The following JMY variants were observed in gnomAD, a reference collection of about 807,000 sequenced individuals.
The protein encoded by JMY is junction-mediating and -regulatory protein.
In JMY, 46 loss-of-function variants were observed where a neutral mutation model predicts 103.3. The observed-to-expected ratio is 0.45, with a 90% CI of 0.35 to 0.57. JMY has a LOEUF of 0.57. Ranked by LOEUF, JMY falls within the 20% of genes least tolerant of loss-of-function variation. The probability of loss-of-function intolerance (pLI) is 0.00; values close to 1 mark genes in which losing one functional copy is unlikely to be tolerated. For synonymous variants in JMY, 526 were observed against 489.3 expected (o/e 1.07, Z -0.99); for missense variants, 1,238 against 1,255.2 (o/e 0.99, Z 0.21).
intron 9 of JMY, among the ~76,000 whole-genome samples, chr5:79,315,748 A>G (rs545490627): frequency 1.6e-4 from 25 of 152,328 alleles, no homozygotes; most frequent in African/African-American, 5.8e-4. Flanking sequence ...CAATCTGGTC[A>G]CTTCTCTCAT....
chr5:79,242,783 CTT>C (rs71615514), intron 1 of JMY, among the ~76,000 whole-genome samples: 97 of 140,610 alleles, frequency 6.9e-4, no homozygotes, highest in African/African-American at 7.8e-4. Flanking sequence ...TCAATAATGA[CTT>C]TTTTTTTTTT....
chr5:79,241,163 A>C (rs1200956170), intron 1 of JMY, among the ~76,000 whole-genome samples: 1 of 152,072 alleles, frequency 6.6e-6, no homozygotes, highest in Non-Finnish European at 1.5e-5. Flanking sequence ...AAGTTGTTGA[A>C]CTTTTTTTTG....
At chr5:79,270,596 ATG>A (rs34219782) in intron 1 of JMY, among the ~76,000 whole-genome samples, 1,081 of 24,428 alleles carry the variant, frequency 0.044, 81 homozygotes, top group African/African-American at 0.064. Flanking sequence ...AATATTTAAA[ATG>A]TATATTTACA....
chr5:79,278,192 G>A (rs1018331309), intron 2 of JMY, 109 bp downstream of exon 2: 6 of 853,386 alleles, frequency 7.0e-6, no homozygotes, highest in African/African-American at 1.7e-5. Flanking sequence ...AAAAAAGAAG[G>A]TACCTGGTCC....
At chr5:79,248,316 C>CT (rs1038857608) in intron 1 of JMY, among the ~76,000 whole-genome samples, 9 of 148,722 alleles carry the variant, frequency 6.1e-5, no homozygotes, top group Non-Finnish European at 1.3e-4. Flanking sequence ...ACTTTCCTCC[C>CT]TTTTTTTTGA....
chr5:79,283,396 T>A (rs1746179439), intron 2 of JMY, among the ~76,000 whole-genome samples: 1 of 152,206 alleles, frequency 6.6e-6, no homozygotes, highest in South Asian at 2.1e-4. Flanking sequence ...AATGGTTTCA[T>A]TAACCTAGGT....
At position 79,244,239 on chromosome 5, in the gene JMY, G is replaced by A. The variant is rs368849713; in HGVS notation, c.1032+6557G>A. Among the ~76,000 whole-genome samples the A allele has an allele frequency of 2.8e-3, 426 of 152,254 alleles. 3 individuals carry two copies. In the Middle Eastern group the frequency reaches 0.031, roughly 11 times the overall value. Reference sequence around the variant, plus strand: ...TGGTCTCGAACTCCTGACCTCAGGTGATCCACCTGCTTCGGCCTCCCACAG... The same window carrying A: ...TGGTCTCGAACTCCTGACCTCAGGTAATCCACCTGCTTCGGCCTCCCACAG... On this transcript the variant is annotated intron_variant, in intron 1 of 10. Coordinates refer to ENST00000396137, the MANE Select transcript of JMY (RefSeq NM_152405.5).
In JMY at chr5:79,270,495, A is replaced by AT. The variant is rs1561297750; in HGVS notation, c.1033-7415_1033-7414insT. 2.3e-4 allele frequency among the ~76,000 whole-genome samples: 22 copies of AT among 96,416 alleles called. 1 individual carries two copies. The highest frequency in any genetic ancestry group is 3.3e-4 in the South Asian group (1 of 3,074). 63.3% of individuals were successfully genotyped at this position (96,416 alleles called of 152,430 possible). A position where few individuals can be genotyped will look rare whatever the true frequency, so the allele number is the denominator to read the frequency against. ...TATATTTACATAAATATTTACATAA[A>AT]ATATATATTTACATAAATATTTAAA... On this transcript the variant is annotated intron_variant, in intron 1 of 10. Coordinates refer to ENST00000396137, the MANE Select transcript of JMY (RefSeq NM_152405.5).
At chr5:79,294,508 C>T (rs1025495705) in intron 4 of JMY, among the ~76,000 whole-genome samples, 1 of 152,042 alleles carries the variant, frequency 6.6e-6, no homozygotes, top group Admixed American at 6.5e-5. Context: ...TGTGGTTAAC[C>T]GGGATTAACC....
At chr5:79,273,916 C>T (rs748701591) in intron 1 of JMY, among the ~76,000 whole-genome samples, 4 of 152,014 alleles carry the variant, frequency 2.6e-5, no homozygotes, top group African/African-American at 4.8e-5. Flanking sequence ...CTGCAAGCTC[C>T]GCCTCCCGGG....
chr5:79,236,766 A>G lies in JMY; in HGVS notation c.116A>G (p.Glu39Gly). The G allele has an allele frequency of 6.6e-7, 1 of 1,511,636 alleles. No homozygotes were observed. Among genetic ancestry groups the G allele is most frequent in the South Asian group, 1.3e-5 (1 of 79,782 alleles). 93.6% of individuals were successfully genotyped at this position (1,511,636 alleles called of 1,614,324 possible). ...TTTATTGTGGCCTGGAACGAGATTG[A>G]GGGCAAGTTTGCCATAACCTGCCAC... ...FVFIVAWNEI[E>G]GKFAITCHNR... Residue 39 changes from glutamate to glycine, a missense_variant, in exon 1 of 11, where the codon GAG (glutamate) becomes GGG (glycine). Glu to Gly is a moderately conservative substitution (Grantham distance 98). Transcript: ENST00000396137.
chr5:79,270,500 A>G (rs1347207352), intron 1 of JMY, among the ~76,000 whole-genome samples: 1 of 96,580 alleles, frequency 1.0e-5, no homozygotes, highest in Admixed American at 1.2e-4. Context: ...CATAAAATAT[A>G]TATTTACATA....
Position 79,237,337 on chromosome 5 carries a change from G to A in JMY, c.687G>A (p.Trp229Ter). ...AGTCTCCGGCCGAAGAGTGCAGCTG[G>A]GCCGGACTGTTTTCTTTCCAGGACC... ...ELESPAEECS[W>*]AGLFSFQDLR... is the part of the protein sequence containing the mutation. Residue 229 changes from tryptophan to a stop codon, truncating the protein, a stop_gained, in exon 1 of 11, where the codon TGG (tryptophan) becomes TGA (stop). Transcript: ENST00000396137. LOFTEE classifies it high-confidence loss of function. The A allele has an allele frequency of 6.2e-7, 1 of 1,600,708 alleles. No homozygotes were observed. Among genetic ancestry groups the A allele is most frequent in the South Asian group, 1.1e-5 (1 of 89,590 alleles).
chr5:79,260,105 G>A (rs1280947244), intron 1 of JMY, among the ~76,000 whole-genome samples: 1 of 152,214 alleles, frequency 6.6e-6, no homozygotes, highest in East Asian at 1.9e-4. Flanking sequence ...TGGCATGGCA[G>A]CCCTGGCCAG....
chr5:79,311,114 G>A (rs1747034429), intron 7 of JMY, among the ~76,000 whole-genome samples: 1 of 149,334 alleles, frequency 6.7e-6, no homozygotes, highest in Non-Finnish European at 1.5e-5. Flanking sequence ...TTACTAGATT[G>A]CATTTTATTC....
At chr5:79,238,642 C>A (rs1162818441) in intron 1 of JMY, among the ~76,000 whole-genome samples, 1 of 138,742 alleles carries the variant, frequency 7.2e-6, no homozygotes, top group East Asian at 2.1e-4. Context: ...CCGCCCTCCG[C>A]GCCTTCTTTT....
intron 10 of JMY, among the ~76,000 whole-genome samples, chr5:79,317,083 C>A (rs1270606165): frequency 6.6e-6 from 1 of 151,386 alleles, no homozygotes; most frequent in Non-Finnish European, 1.5e-5. Context: ...TAATGCAAAG[C>A]CTTTTCTGAC....
At position 79,275,989 on chromosome 5, in the gene JMY, A is replaced by G. The variant is rs183829422; in HGVS notation, c.1033-1921A>G. 1.3e-3 allele frequency among the ~76,000 whole-genome samples: 196 copies of G among 152,372 alleles called. 1 individual carries two copies. The highest frequency in any genetic ancestry group is 4.5e-3 in the African/African-American group (187 of 41,592). ...GGGGAGAAAGATAGTAGTGGAAACT[A>G]TAGGTATGAAAAGGAATAGAAGAAT... is the stretch of plus-strand genomic sequence containing the variant. On this transcript the variant is annotated intron_variant, in intron 1 of 10. Transcript: ENST00000396137.
At chr5:79,294,617 G>T (rs1746516295) in intron 4 of JMY, among the ~76,000 whole-genome samples, 1 of 152,044 alleles carries the variant, frequency 6.6e-6, no homozygotes, top group African/African-American at 2.4e-5. Flanking sequence ...AGCACTTTGG[G>T]AGGCCAAGAC....
Sources: gnomAD v4.1 joint callset for allele counts (sites outside exome capture counted in the v4.1 genomes callset) on GRCh38, gnomAD v4.1.1 for gene constraint, MANE v1.5 for transcripts, NCBI Gene and HGNC (gene_info 2026-07-23, HGNC 2026-07-21) for gene names.